The following ZNF695 variants were observed in gnomAD, a reference collection of about 807,000 sequenced individuals.
The protein encoded by ZNF695 is zinc finger protein 695, also known as zinc finger protein SBZF3.
In ZNF695, 11 loss-of-function variants were observed where a neutral mutation model predicts 11.2. That is an observed-to-expected ratio of 0.98 (90% CI 0.62 to 1.62). The LOEUF is 1.62. Ranked by LOEUF, ZNF695 falls within the 40% of genes most tolerant of loss-of-function variation. The pLI, the probability that ZNF695 is intolerant of heterozygous loss-of-function variation, is 0.00. For synonymous variants in ZNF695, 190 were observed against 201.4 expected, an observed-to-expected ratio of 0.94 and a Z score of 0.48; for missense variants, 559 against 590.5, an observed-to-expected ratio of 0.95 and a Z score of 0.55.
intron 3 of ZNF695, among the ~76,000 whole-genome samples, chr1:246,991,896 G>A (rs972322239): frequency 2.0e-5 from 3 of 152,126 alleles, no homozygotes; most frequent in African/African-American, 7.2e-5. Flanking sequence ...AATGGATAAA[G>A]ATAATGTACT....
At chr1:246,983,030 T>C (rs764133431), downstream of ZNF695, among the ~76,000 whole-genome samples, 10 of 151,858 alleles carry the variant, frequency 6.6e-5, no homozygotes, top group Non-Finnish European at 1.0e-4. Context: ...GGTGAAACCC[T>C]GTCTCTACTG....
downstream of ZNF695, among the ~76,000 whole-genome samples, chr1:246,980,335 GTTATA>G (rs916630752): frequency 6.6e-6 from 1 of 150,924 alleles, no homozygotes; most frequent in African/African-American, 2.4e-5. Flanking sequence ...CTATTTGGCT[GTTATA>G]TTATACCTAA....
chr1:246,949,779 AT>A (rs199997145), intron 5 of ZNF695, among the ~76,000 whole-genome samples: 1 of 151,664 alleles, frequency 6.6e-6, no homozygotes, highest in Non-Finnish European at 1.5e-5. Context: ...TTGAGATATA[AT>A]TTTTTTTACT....
chr1:247,001,712 C>CAAAAA (rs56131097), intron 1 of ZNF695, among the ~76,000 whole-genome samples: 40 of 79,058 alleles, frequency 5.1e-4, no homozygotes, highest in Middle Eastern at 0.014. Context: ...GACTTCGTCT[C>CAAAAA]AAAAAAAAAA....
rs544504676 is a variant in ZNF695, at chr1:246,971,753, T to C, written c.391-3961A>G. ...TATTTATATATAATCATATCTGTAA[T>C]CTATTTCTAGTATAACTATTCTTAT... is the stretch of plus-strand genomic sequence containing the variant. On this transcript the variant is annotated intron_variant, in intron 4 of 5. Transcript: ENST00000487338. Among the ~76,000 whole-genome samples the C allele has an allele frequency of 5.3e-5, 8 of 152,368 alleles. No individual in the cohort carries two copies. The South Asian group carries it at 1.7e-3, about 32-fold the overall frequency.
chr1:246,950,591 C>T (rs1288167990), intron 5 of ZNF695, among the ~76,000 whole-genome samples: 1 of 132,608 alleles, frequency 7.5e-6, no homozygotes, highest in African/African-American at 2.9e-5. Flanking sequence ...GCAGAGGTTG[C>T]AGTGAGTAGA....
At chr1:246,984,152 C>CAAAAAAAAAAAAAAAA (rs11321674), downstream of ZNF695, among the ~76,000 whole-genome samples, 3 of 91,634 alleles carry the variant, frequency 3.3e-5, no homozygotes, top group Non-Finnish European at 6.0e-5. Context: ...ACCATGTCTC[C>CAAAAAAAAAAAAAAAA]AAAAAAAAAA....
At chr1:246,955,988 T>G (rs969008730) in intron 5 of ZNF695, among the ~76,000 whole-genome samples, 1 of 146,356 alleles carries the variant, frequency 6.8e-6, no homozygotes, top group East Asian at 2.0e-4. Context: ...GGATTGGATT[T>G]TTTTTTTTTT....
At chr1:246,993,868 C>T (rs1382117157) in intron 3 of ZNF695, among the ~76,000 whole-genome samples, 1 of 152,084 alleles carries the variant, frequency 6.6e-6, no homozygotes, top group Non-Finnish European at 1.5e-5. Context: ...CATCAGTAGA[C>T]CTATACTCAA....
chr1:247,007,811 G>A, intron 1 of ZNF695, 95 bp downstream of exon 1: 1 of 1,406,078 alleles, frequency 7.1e-7, no homozygotes, highest in Non-Finnish European at 9.4e-7. Context: ...CCGACCGCCG[G>A]GAGGCCCGGG....
rs796523618 is a variant in ZNF695 at position 246,956,347 on chromosome 1, G to A, written c.489-10520C>T. ...GATGGTCATGGGGGCCGGGCGCGGT[G>A]GCTCATGCCTGTAATCCCAGCACTC... On this transcript the variant is annotated intron_variant, in intron 5 of 5. Transcript: ENST00000487338. 1.7e-4 allele frequency among the ~76,000 whole-genome samples: 26 copies of A among 151,644 alleles called. 1 individual carries two copies. Among genetic ancestry groups the A allele is most frequent in the African/African-American group, 6.3e-4 (26 of 41,436 alleles).
intron 3 of ZNF695, among the ~76,000 whole-genome samples, chr1:246,994,478 T>C (rs1017644663): frequency 5.3e-5 from 8 of 150,154 alleles, no homozygotes; most frequent in African/African-American, 2.0e-4. Context: ...GAGGCAGAGG[T>C]TGCAGTGAGC....
intron 3 of ZNF695, among the ~76,000 whole-genome samples, chr1:246,997,910 T>C (rs1329796661): frequency 6.6e-6 from 1 of 152,306 alleles, no homozygotes; most frequent in Non-Finnish European, 1.5e-5. Flanking sequence ...AAATGGAAGA[T>C]GGTATTAAAA....
At chr1:246,963,101 T>C (rs1375132581) in intron 5 of ZNF695, among the ~76,000 whole-genome samples, 1 of 152,212 alleles carries the variant, frequency 6.6e-6, no homozygotes, top group Non-Finnish European at 1.5e-5. Context: ...TCATCTAATG[T>C]CCATTTCCGA....
rs181499477 is a variant in ZNF695 at position 246,958,133 on chromosome 1, A to C, written c.488+9562T>G. Among the ~76,000 whole-genome samples the C allele has an allele frequency of 6.1e-3, 916 of 150,470 alleles. 6 individuals are homozygous for C. The highest frequency in any genetic ancestry group is 0.018 in the South Asian group (85 of 4,752). ...GAGTGCAGTGGCGCGATCTCGGCTC[A>C]CTGCAAGCTCCGCCTCCCGGGTTCA... On this transcript the variant is annotated intron_variant, in intron 5 of 5. Coordinates refer to the ZNF695 transcript ENST00000487338.
At chr1:246,995,813 CAAAAAAAAA>C (rs60375785) in intron 3 of ZNF695, among the ~76,000 whole-genome samples, 2 of 66,782 alleles carry the variant, frequency 3.0e-5, no homozygotes, top group East Asian at 6.6e-4. Context: ...GACTCTGTCT[CAAAAAAAAA>C]AAAAAAAAAA....
rs1668878281 is a variant in ZNF695, at chr1:246,987,256, A to T, written c.1259T>A (p.Phe420Tyr). The change falls in exon 4 of 4, where the codon TTT (phenylalanine) becomes TAT (tyrosine). Residue 420 changes from phenylalanine to tyrosine, a missense_variant. Coordinates refer to ENST00000339986, the MANE Select transcript of ZNF695 (RefSeq NM_020394.5). Reference sequence around the variant, plus strand: ...TCTCTTATGTTGAGTAAGGTATGAAAACCAGGTAAAAGCTTTGCCACATTC... The same window carrying T: ...TCTCTTATGTTGAGTAAGGTATGAATACCAGGTAAAAGCTTTGCCACATTC... ...CEECGKAFTW[F>Y]SYLTQHKRIH... The T allele has an allele frequency of 6.2e-7, 1 of 1,612,900 alleles. No individual in the cohort carries two copies. The highest frequency in any genetic ancestry group is 1.7e-5 in the Admixed American group (1 of 59,910).
At chr1:246,965,011 G>A (rs372517087) in intron 5 of ZNF695, among the ~76,000 whole-genome samples, 6 of 152,176 alleles carry the variant, frequency 3.9e-5, no homozygotes, top group East Asian at 3.9e-4. Context: ...TCTGCTCATG[G>A]ATTAATCCAT....
intron 5 of ZNF695, among the ~76,000 whole-genome samples, chr1:246,963,115 T>C (rs925704558): frequency 2.0e-5 from 3 of 152,246 alleles, no homozygotes; most frequent in African/African-American, 4.8e-5. Context: ...TTTCCGATCA[T>C]GTCACACTCC....
Sources: allele counts gnomAD v4.1 joint callset (sites outside exome capture counted in the v4.1 genomes callset), GRCh38; gene constraint gnomAD v4.1.1; transcripts MANE v1.5; gene names NCBI Gene and HGNC (gene_info 2026-07-23, HGNC 2026-07-21).